Variants in SLC24A1 observed in about 807,000 individuals in gnomAD.
The protein encoded by SLC24A1 is solute carrier family 24 member 1, also known as sodium/potassium/calcium exchanger 1.
A neutral mutation model predicts 88.1 loss-of-function variants in SLC24A1; 52 were observed. The ratio of observed to expected loss-of-function variants is 0.59; its 90% confidence interval spans 0.47 to 0.74. The LOEUF is 0.74. Among genes scored for constraint, SLC24A1 ranks in the 30% least tolerant of loss-of-function variants. SLC24A1 has a pLI of 0.00. For missense variants in SLC24A1, 1,173 were observed against 1,363.3 expected, an observed-to-expected ratio of 0.86 and a Z score of 2.20; for synonymous variants, 455 against 498.0, an observed-to-expected ratio of 0.91 and a Z score of 1.15.
At chr15:65,642,851 G>A (rs1219682138) in intron 4 of SLC24A1, 8 of 424,798 alleles carry the variant, frequency 1.9e-5, no homozygotes, top group Non-Finnish European at 3.1e-5. Context: ...CTGGAGCCAG[G>A]CAGAGCCTTT....
At chr15:65,613,505 G>A (rs1019697678) in intron 2 of SLC24A1, among the ~76,000 whole-genome samples, 1 of 126,398 alleles carries the variant, frequency 7.9e-6, no homozygotes, top group Non-Finnish European at 1.7e-5. Context: ...TGTGTGTGTG[G>A]TGACAGGGTC....
chr15:65,645,683 A>G lies in SLC24A1; in HGVS notation c.2212A>G (p.Lys738Glu), dbSNP rs2075279371. The G allele has an allele frequency of 6.3e-7, 1 of 1,576,868 alleles. No homozygotes were observed. Among genetic ancestry groups the G allele is most frequent in the Non-Finnish European group, 8.6e-7 (1 of 1,161,268 alleles). ...APVPDIKGDQKENPGGQEDVA... is the reference protein window; with the variant it reads ...APVPDIKGDQEENPGGQEDVA... ...TGTTCCAGACATCAAGGGAGATCAGAAGGAGAATCCAGGCGGTCAGGTAGG... is the reference window on the plus strand; with the variant it reads ...TGTTCCAGACATCAAGGGAGATCAGGAGGAGAATCCAGGCGGTCAGGTAGG... Residue 738 changes from lysine to glutamate, a missense_variant, in exon 6 of 10, where the codon AAG becomes GAG. Physicochemically the swap from Lys to Glu is moderately conservative, Grantham distance 56. Coordinates refer to ENST00000261892, the MANE Select transcript of SLC24A1 (RefSeq NM_004727.3).
intron 4 of SLC24A1, chr15:65,642,780 A>G (rs969301834): frequency 5.9e-6 from 2 of 337,004 alleles, no homozygotes; most frequent in African/African-American, 4.3e-5. Flanking sequence ...ACTAACTGAG[A>G]GTTTAGGAGA....
At chr15:65,652,552 A>C in intron 8 of SLC24A1, 90 bp from the exon 9 acceptor site, 1 of 1,236,326 alleles carries the variant, frequency 8.1e-7, no homozygotes, top group Non-Finnish European at 1.1e-6. Context: ...AGCTCCTTAG[A>C]AGGCAGTCTG....
Position 65,655,351 on chromosome 15 carries a change from TTAAGG to T in SLC24A1, c.*1276_*1280del. ...TTCTTCTGTGGTTTATGAATGGATC[TTAAGG>T]TAATTACAAAAGGGAAATTCCAAGA... is the stretch of plus-strand genomic sequence containing the variant. On this transcript the variant is annotated 3_prime_UTR_variant, in exon 10 of 10. Coordinates refer to ENST00000261892, the MANE Select transcript of SLC24A1 (RefSeq NM_004727.3). 1 of 985,224 alleles carries T rather than the reference TTAAGG, an allele frequency of 1.0e-6. No individual in the cohort carries two copies. The highest frequency in any genetic ancestry group is 1.2e-6 in the Non-Finnish European group (1 of 829,728). 61.0% of individuals were successfully genotyped at this position (985,224 alleles called of 1,614,324 possible).
intron 4 of SLC24A1, chr15:65,643,023 C>T (rs1326558596): frequency 7.8e-7 from 1 of 1,289,182 alleles, no homozygotes; most frequent in Non-Finnish European, 1.0e-6. Context: ...CAGCTGCTCT[C>T]AACTACTCTT....
chr15:65,620,424 A>G (rs564861034), upstream of SLC24A1, among the ~76,000 whole-genome samples: 13 of 152,332 alleles, frequency 8.5e-5, no homozygotes, highest in Non-Finnish European at 1.8e-4. Flanking sequence ...CAACAACCCT[A>G]TCAAACAGGT....
chr15:65,655,363 C>A lies in SLC24A1; in HGVS notation c.*1284C>A, dbSNP rs541212858. The A allele has an allele frequency of 3.0e-6, 3 of 985,072 alleles. No individual in the cohort carries two copies. In the African/African-American group the frequency reaches 5.2e-5, roughly 17 times the overall value. The allele number at this position is 985,072 out of a possible 1,614,324, so 61.0% of individuals were successfully genotyped here. A position where few individuals can be genotyped will look rare whatever the true frequency, so the allele number is the denominator to read the frequency against. On this transcript the variant is annotated 3_prime_UTR_variant, in exon 10 of 10. Coordinates refer to ENST00000261892, the MANE Select transcript of SLC24A1 (RefSeq NM_004727.3). Reference sequence around the variant, plus strand: ...TTATGAATGGATCTTAAGGTAATTACAAAAGGGAAATTCCAAGAATGCATA... The same window carrying A: ...TTATGAATGGATCTTAAGGTAATTAAAAAAGGGAAATTCCAAGAATGCATA...
chr15:65,630,587 T>C (rs1174052676), intron 2 of SLC24A1, among the ~76,000 whole-genome samples: 1 of 152,260 alleles, frequency 6.6e-6, no homozygotes, highest in Non-Finnish European at 1.5e-5. Flanking sequence ...CTTCTTCGAC[T>C]CTTTGAATAA....
At chr15:65,634,752 A>G (rs1228817311) in intron 2 of SLC24A1, among the ~76,000 whole-genome samples, 2 of 151,266 alleles carry the variant, frequency 1.3e-5, no homozygotes, top group Non-Finnish European at 2.9e-5. Context: ...AAAAAAAAAA[A>G]AAAAAAGAAA....
At chr15:65,615,540 G>A (rs962489892) in intron 2 of SLC24A1, among the ~76,000 whole-genome samples, 3 of 151,990 alleles carry the variant, frequency 2.0e-5, no homozygotes, top group East Asian at 1.9e-4. Context: ...AAAATTAGCC[G>A]GCTGTCATGG....
At chr15:65,622,743 C>CTTTTTT (rs200534714) in intron 1 of SLC24A1, among the ~76,000 whole-genome samples, 1 of 145,632 alleles carries the variant, frequency 6.9e-6, no homozygotes. Flanking sequence ...CAGTGCTTTT[C>CTTTTTT]TTTTTTTTTT....
At chr15:65,658,136 A>T (rs997840422), downstream of SLC24A1, 1 of 152,220 alleles carries the variant, frequency 6.6e-6, no homozygotes. Flanking sequence ...AAAGATGAAA[A>T]TTCTTCAATT....
chr15:65,621,852 C>T (rs761382907), upstream of SLC24A1: 6 of 152,206 alleles, frequency 3.9e-5, no homozygotes, highest in Non-Finnish European at 8.8e-5. Context: ...GTACCGGGAC[C>T]CAGAACTTGT....
downstream of SLC24A1, chr15:65,659,519 G>A (rs1368370831): frequency 6.6e-6 from 1 of 151,240 alleles, no homozygotes; most frequent in African/African-American, 2.4e-5. Flanking sequence ...AAATTTTTTT[G>A]TAGAGACAGG....
At chr15:65,644,602 A>C in intron 5 of SLC24A1, 89 bp downstream of exon 5, 1 of 880,672 alleles carries the variant, frequency 1.1e-6, no homozygotes, top group East Asian at 2.6e-5. Context: ...GCAGCCAGCC[A>C]GGCCAGGGGC....
upstream of SLC24A1, among the ~76,000 whole-genome samples, chr15:65,617,550 T>C (rs2141400342): frequency 6.6e-6 from 1 of 152,330 alleles, no homozygotes; most frequent in Admixed American, 6.5e-5. Context: ...TGAATAGGAA[T>C]GCTTGTGATT....
At chr15:65,659,284 G>A (rs1417437839), downstream of SLC24A1, 1 of 124,906 alleles carries the variant, frequency 8.0e-6, no homozygotes, top group East Asian at 3.0e-4. Context: ...TTGAAGAAAA[G>A]TTTGTATAGA....
At chr15:65,641,053 T>C (rs999026933) in intron 4 of SLC24A1, among the ~76,000 whole-genome samples, 3 of 149,236 alleles carry the variant, frequency 2.0e-5, no homozygotes, top group African/African-American at 7.5e-5. Flanking sequence ...AGAGTGAGAC[T>C]CCACCTCAAA....
Sources: gnomAD v4.1 joint callset for allele counts (sites outside exome capture counted in the v4.1 genomes callset) on GRCh38, gnomAD v4.1.1 for gene constraint, MANE v1.5 for transcripts, NCBI Gene and HGNC (gene_info 2026-07-23, HGNC 2026-07-21) for gene names.